The following C1orf198 variants were observed in gnomAD, a reference collection of about 807,000 sequenced individuals.
The protein encoded by C1orf198 is uncharacterized protein C1orf198.
C1orf198 carries 17 observed loss-of-function variants against 31.4 expected under a neutral mutation model. That is an observed-to-expected ratio of 0.54 (90% CI 0.37 to 0.81). The LOEUF is 0.81. Among genes scored for constraint, C1orf198 ranks in the 40% least tolerant of loss-of-function variants. The pLI, the probability that C1orf198 is intolerant of heterozygous loss-of-function variation, is 0.00. For synonymous variants in C1orf198, 175 were observed against 193.8 expected, an observed-to-expected ratio of 0.90 and a Z score of 0.81; for missense variants, 401 against 450.3, an observed-to-expected ratio of 0.89 and a Z score of 0.99.
chr1:230,842,264 G>A (rs1171412563), intron 3 of C1orf198, among the ~76,000 whole-genome samples: 1 of 152,178 alleles, frequency 6.6e-6, no homozygotes, highest in East Asian at 1.9e-4. Context: ...AATTTATACT[G>A]TAAAATGGTT....
intron 2 of C1orf198, among the ~76,000 whole-genome samples, chr1:230,850,575 G>A (rs968989322): frequency 6.6e-6 from 1 of 152,268 alleles, no homozygotes; most frequent in Admixed American, 6.5e-5. Context: ...AGGGCTGAGC[G>A]AGTGACGCAT....
intron 1 of C1orf198, among the ~76,000 whole-genome samples, chr1:230,858,264 C>T (rs1669924517): frequency 6.6e-6 from 1 of 152,184 alleles, no homozygotes; most frequent in African/African-American, 2.4e-5. Context: ...CCTCAGAACC[C>T]TCTGAGTTCC....
At chr1:230,868,529 G>T (rs1346044264), upstream of C1orf198, 11 of 1,278,228 alleles carry the variant, frequency 8.6e-6, no homozygotes, top group Admixed American at 4.1e-5. Context: ...CCTGCCCGCC[G>T]CTCCCGGCCC....
chr1:230,853,302 G>A lies in C1orf198; in HGVS notation c.384+2366C>T, dbSNP rs117658079. ...AGAGGTAACAAGAAATGGGGTCCAA[G>A]TCTCCCTCCAGTCCTGCAATTGGAG... On this transcript the variant is annotated intron_variant, in intron 2 of 3. Coordinates refer to ENST00000366663, the MANE Select transcript of C1orf198 (RefSeq NM_032800.3). Among the ~76,000 whole-genome samples the A allele has an allele frequency of 2.4e-4, 36 of 152,248 alleles. 1 individual carries two copies. The East Asian group carries it at 3.1e-3, about 13-fold the overall frequency.
At position 230,857,850 on chromosome 1, in the gene C1orf198, C is replaced by T. The variant is rs1164125412; in HGVS notation, c.334-2132G>A. On this transcript the variant is annotated intron_variant, in intron 1 of 3. Transcript: ENST00000366663. The surrounding 1 kb of genome is among the most constrained non-coding windows in gnomAD (Gnocchi z 4.2). ...TGTATCAAACAGTCAGTTCTGAGAA[C>T]CACATAGTGTGTGCAACTAATGACC... 1.3e-5 allele frequency among the ~76,000 whole-genome samples: 2 copies of T among 152,210 alleles called. No individual in the cohort carries two copies. Among genetic ancestry groups the T allele is most frequent in the African/African-American group, 2.4e-5 (1 of 41,446 alleles).
chr1:230,847,628 G>A (rs6671585), intron 2 of C1orf198, among the ~76,000 whole-genome samples: 12,523 of 152,204 alleles, frequency 0.082, 1,491 homozygotes, highest in African/African-American at 0.26. Context: ...CTTTATGTAT[G>A]TGTGTGATCT....
chr1:230,864,323 C>A (rs1231387547), intron 1 of C1orf198, among the ~76,000 whole-genome samples: 1 of 152,202 alleles, frequency 6.6e-6, no homozygotes, highest in African/African-American at 2.4e-5. Context: ...GCGGGTGTAG[C>A]AGCTCAGCAG....
At chr1:230,846,866 G>A (rs908970501) in intron 2 of C1orf198, among the ~76,000 whole-genome samples, 1 of 152,200 alleles carries the variant, frequency 6.6e-6, no homozygotes, top group African/African-American at 2.4e-5. Context: ...CACTTTGGGA[G>A]GCCGAGGCGG....
In C1orf198 at chr1:230,868,292, A is replaced by T. The variant is rs1670168482; in HGVS notation, c.221T>A (p.Leu74Gln). 2 of 1,596,398 alleles carry T rather than the reference A, an allele frequency of 1.3e-6. No homozygotes were observed. The highest frequency in any genetic ancestry group is 1.7e-6 in the Non-Finnish European group (2 of 1,172,660). ...AQQDEIIDRC[L>Q]VGPRAPAPRD... ...GGGCGCCGGGGCGCGCGGCCCCACC[A>T]GGCACCGGTCGATGATCTCGTCCTG... The change falls in exon 1 of 4, where the codon CTG becomes CAG. Residue 74 changes from leucine (L) to glutamine (Q), a missense_variant. By Grantham distance (113) the Leu-to-Gln change is moderately radical (BLOSUM62 -2). Coordinates refer to ENST00000366663, the MANE Select transcript of C1orf198 (RefSeq NM_032800.3).
intron 1 of C1orf198, among the ~76,000 whole-genome samples, chr1:230,861,403 C>A (rs188656766): frequency 3.9e-5 from 6 of 152,144 alleles, no homozygotes; most frequent in East Asian, 3.9e-4. Flanking sequence ...GTGCCCCCCC[C>A]AAAAAAAGTA....
rs1370916539 is a variant in C1orf198 at position 230,843,722 on chromosome 1, C to T, written c.559G>A (p.Glu187Lys). ...DALGPTRKEE[E>K]ASFWKINAER... ...GCATTGATCTTCCAGAATGACGCTT[C>T]CTCCTCCTTCCTGGTGGGGCCCAGG... Residue 187 changes from glutamate to lysine, a missense_variant, in exon 3 of 4, where the codon GAA becomes AAA. Transcript: ENST00000366663. This position sits in a 1 kb window ranked among gnomAD's most constrained non-coding sequence, Gnocchi z 4.9. The T allele has an allele frequency of 2.5e-6, 4 of 1,614,078 alleles. No homozygotes were observed. Among genetic ancestry groups the T allele is most frequent in the Non-Finnish European group, 3.4e-6 (4 of 1,180,030 alleles).
intron 2 of C1orf198, 46 bp downstream of exon 2, chr1:230,855,622 A>C: frequency 6.3e-7 from 1 of 1,585,824 alleles, no homozygotes. Context: ...ACAACTACTC[A>C]GTTCTTTTTA....
At chr1:230,846,878 C>T (rs902085448) in intron 2 of C1orf198, among the ~76,000 whole-genome samples, 2 of 151,718 alleles carry the variant, frequency 1.3e-5, no homozygotes, top group Non-Finnish European at 2.9e-5. Flanking sequence ...CCGAGGCGGG[C>T]GGATCACGAG....
intron 1 of C1orf198, among the ~76,000 whole-genome samples, chr1:230,867,556 G>C (rs1403866669): frequency 2.0e-5 from 3 of 152,122 alleles, no homozygotes; most frequent in African/African-American, 7.2e-5. Flanking sequence ...ACATACGCTG[G>C]GCATTGTGCT....
chr1:230,864,469 A>G (rs1670068735), intron 1 of C1orf198, among the ~76,000 whole-genome samples: 2 of 152,214 alleles, frequency 1.3e-5, no homozygotes, highest in Non-Finnish European at 1.5e-5. Context: ...AGCAACAGCA[A>G]GTCCTCAGGT....
chr1:230,845,882 G>A (rs1396047924), intron 2 of C1orf198, among the ~76,000 whole-genome samples: 2 of 152,136 alleles, frequency 1.3e-5, no homozygotes, highest in Admixed American at 1.3e-4. Flanking sequence ...TTATGAGGCT[G>A]TAGTTCTGTT....
intron 2 of C1orf198, among the ~76,000 whole-genome samples, chr1:230,847,042 G>T (rs1669607934): frequency 6.8e-6 from 1 of 146,460 alleles, no homozygotes; most frequent in African/African-American, 2.6e-5. Flanking sequence ...GGCGAAGCTT[G>T]CAGTGAGCCG....
intron 1 of C1orf198, among the ~76,000 whole-genome samples, chr1:230,867,763 T>C (rs1670154498): frequency 6.6e-6 from 1 of 152,198 alleles, no homozygotes; most frequent in African/African-American, 2.4e-5. Flanking sequence ...TTTTACACAG[T>C]GGAAACTGAG....
intron 1 of C1orf198, 63 bp downstream of exon 1, chr1:230,868,117 C>T: frequency 1.5e-6 from 2 of 1,321,620 alleles, no homozygotes; most frequent in Non-Finnish European, 9.6e-7. Context: ...CAGGTGCCCA[C>T]CGGGCCGGGG....
Sources: allele counts gnomAD v4.1 joint callset (sites outside exome capture counted in the v4.1 genomes callset), GRCh38; gene constraint gnomAD v4.1.1; non-coding constraint Gnocchi (gnomAD v3.1); transcripts MANE v1.5; gene names NCBI Gene and HGNC (gene_info 2026-07-23, HGNC 2026-07-21).